FAXC: variants seen among roughly 807,000 people sequenced by gnomAD.
FAXC encodes failed axon connections homolog.
A neutral mutation model predicts 41.9 loss-of-function variants in FAXC; 10 were observed. The observed-to-expected ratio is 0.24, with a 90% CI of 0.15 to 0.41. FAXC has a LOEUF of 0.41. Ranked by LOEUF, FAXC falls within the 10% of genes least tolerant of loss-of-function variation. The probability of loss-of-function intolerance (pLI) is 1.00; values close to 1 mark genes in which losing one functional copy is unlikely to be tolerated. For synonymous variants in FAXC, 183 were observed against 183.8 expected, an observed-to-expected ratio of 1.00 and a Z score of 0.03; for missense variants, 399 against 510.9, an observed-to-expected ratio of 0.78 and a Z score of 2.11.
At chr6:99,325,936 T>TA (rs1487365351) in intron 3 of FAXC, among the ~76,000 whole-genome samples, 5 of 152,204 alleles carry the variant, frequency 3.3e-5, no homozygotes, top group African/African-American at 1.2e-4. Flanking sequence ...ATCATAAGCA[T>TA]AACTGATCGA....
intron 4 of FAXC, among the ~76,000 whole-genome samples, chr6:99,307,586 G>C (rs1323923672): frequency 6.6e-6 from 1 of 152,174 alleles, no homozygotes; most frequent in African/African-American, 2.4e-5. Context: ...GATCAAGGGT[G>C]GGGTGTTGCG....
At position 99,280,974 on chromosome 6, in the gene FAXC, A is replaced by G. The variant is rs1312231025; in HGVS notation, c.*190T>C. The G allele has an allele frequency of 1.8e-6, 1 of 546,188 alleles. No individual in the cohort carries two copies. Among genetic ancestry groups the G allele is most frequent in the South Asian group, 2.6e-5 (1 of 38,488 alleles). The allele number at this position is 546,188 out of a possible 1,614,324, so 33.8% of individuals were successfully genotyped here. ...ATTATTTTTTGCCTGTTTGTTTTCA[A>G]TGGAGTCATCTGAATGGTTCTGTGT... On this transcript the variant is annotated 3_prime_UTR_variant, in exon 6 of 6. Coordinates refer to ENST00000389677, the MANE Select transcript of FAXC (RefSeq NM_032511.4).
chr6:99,283,120 T>TTCCATATTAA (rs1288956331), intron 5 of FAXC, among the ~76,000 whole-genome samples: 2 of 152,242 alleles, frequency 1.3e-5, no homozygotes, highest in African/African-American at 4.8e-5. Flanking sequence ...AATGGTTCTG[T>TTCCATATTAA]TGATTATAGT....
chr6:99,291,596 A>G (rs1771242815), intron 5 of FAXC, 108 bp downstream of exon 5: 1 of 805,932 alleles, frequency 1.2e-6, no homozygotes. Flanking sequence ...GTGTCTCCAT[A>G]AAGCACACCC....
At chr6:99,348,504 G>C (rs1773676797) in intron 1 of FAXC, among the ~76,000 whole-genome samples, 3 of 152,274 alleles carry the variant, frequency 2.0e-5, no homozygotes, top group South Asian at 4.1e-4. Context: ...CTGTCCTACT[G>C]CTCACACAAC....
Position 99,272,150 on chromosome 6 carries a change from GT to G in FAXC, c.*9013del, listed in dbSNP as rs1770427124. On this transcript the variant is annotated 3_prime_UTR_variant, in exon 6 of 6. Transcript: ENST00000389677. ...ATGAAAACTAATTGAGACTATATGT[GT>G]GTGTGTGTGTGTGTGTGTGTGTGTG... The G allele has an allele frequency of 2.9e-5, 1 of 34,896 alleles. No individual in the cohort carries two copies. The highest frequency in any genetic ancestry group is 1.6e-4 in the African/African-American group (1 of 6,294). The allele number at this position is 34,896 out of a possible 1,614,324, so 2.2% of individuals were successfully genotyped here.
chr6:99,328,899 A>C (rs535967717), intron 3 of FAXC, among the ~76,000 whole-genome samples: 1 of 152,370 alleles, frequency 6.6e-6, no homozygotes, highest in Non-Finnish European at 1.5e-5. Context: ...TTATTGATTA[A>C]ATGAAAAAAG....
Position 99,349,330 on chromosome 6 carries a change from C to G in FAXC, c.43G>C (p.Val15Leu). 1 of 1,612,902 alleles carries G rather than the reference C, an allele frequency of 6.2e-7. No homozygotes were observed. The highest frequency in any genetic ancestry group is 8.5e-7 in the Non-Finnish European group (1 of 1,179,916). Residue 15 changes from valine (V) to leucine (L), a missense_variant, in exon 1 of 6, where the codon GTG (valine) becomes CTG (leucine). Around this residue, in one of 3 missense-constraint regions of FAXC, gnomAD observed 68 missense variants for 63.4 expected, o/e 1.07. Coordinates refer to ENST00000389677, the MANE Select transcript of FAXC (RefSeq NM_032511.4). ...VGFASSRPCV[V>L]DLSWNQSISF... The stretch of plus-strand genomic sequence containing the variant: ...ATGCTCTGGTTCCAGCTCAGATCCA[C>G]CACGCACGGCCTGGACGAAGCAAAG...
intron 4 of FAXC, among the ~76,000 whole-genome samples, chr6:99,314,434 C>T (rs1452895478): frequency 6.6e-6 from 1 of 152,086 alleles, no homozygotes; most frequent in Non-Finnish European, 1.5e-5. Flanking sequence ...ATTAGCTGGG[C>T]GTGGTAGCAC....
intron 4 of FAXC, among the ~76,000 whole-genome samples, chr6:99,306,442 G>C (rs1166383068): frequency 6.6e-6 from 1 of 152,178 alleles, no homozygotes; most frequent in Non-Finnish European, 1.5e-5. Context: ...GGAGGATGAA[G>C]AGTTCTGTTG....
At position 99,277,087 on chromosome 6, in the gene FAXC, G is replaced by A. The variant is rs745621089; in HGVS notation, c.*4077C>T. On this transcript the variant is annotated 3_prime_UTR_variant, in exon 6 of 6. Transcript: ENST00000389677. ...AACATTTCAGGAGAAGGACTGGCAT[G>A]AGCAGAGGCACAGAGGTGGGCCACA... is the stretch of plus-strand genomic sequence containing the variant. The A allele has an allele frequency of 4.2e-4, 64 of 152,646 alleles. No individual in the cohort carries two copies. The highest frequency in any genetic ancestry group is 2.5e-3 in the South Asian group (12 of 4,828). 9.5% of individuals were successfully genotyped at this position (152,646 alleles called of 1,614,324 possible).
Position 99,275,310 on chromosome 6 carries a change from A to T in FAXC, c.*5854T>A. The T allele has an allele frequency of 6.6e-6, 1 of 152,186 alleles. No individual in the cohort carries two copies. The allele number at this position is 152,186 out of a possible 1,614,324, so 9.4% of individuals were successfully genotyped here. On this transcript the variant is annotated 3_prime_UTR_variant, in exon 6 of 6. Coordinates refer to ENST00000389677, the MANE Select transcript of FAXC (RefSeq NM_032511.4). ...ATGATGGCCATTAAATTCTTTGCTA[A>T]AATTATTGTGTACAGAACACCAAAG...
chr6:99,318,226 T>G (rs1772440887), intron 4 of FAXC, among the ~76,000 whole-genome samples: 1 of 144,924 alleles, frequency 6.9e-6, no homozygotes, highest in African/African-American at 2.6e-5. Context: ...GCCACTGCAC[T>G]CCAGCCTGGG....
intron 4 of FAXC, among the ~76,000 whole-genome samples, chr6:99,322,009 G>T (rs1366451115): frequency 6.6e-6 from 1 of 152,216 alleles, no homozygotes; most frequent in African/African-American, 2.4e-5. Flanking sequence ...TGGCCCAGTT[G>T]TGAGCCTGGT....
chr6:99,307,146 G>A (rs577427773), intron 4 of FAXC, among the ~76,000 whole-genome samples: 3 of 152,286 alleles, frequency 2.0e-5, no homozygotes, highest in Non-Finnish European at 4.4e-5. Context: ...GCTTTTGAAT[G>A]GTAGGGTATT....
intron 4 of FAXC, among the ~76,000 whole-genome samples, chr6:99,307,246 T>C (rs1040331593): frequency 3.9e-5 from 6 of 152,136 alleles, no homozygotes; most frequent in Admixed American, 3.3e-4. Flanking sequence ...GAAGAGCATC[T>C]GCTACATTTT....
At chr6:99,349,034 C>A in intron 1 of FAXC, 73 bp downstream of exon 1, 1 of 1,440,532 alleles carries the variant, frequency 6.9e-7, no homozygotes, top group Admixed American at 1.9e-5. Flanking sequence ...GGCACGGGCC[C>A]CTCTCGCGCC....
intron 4 of FAXC, among the ~76,000 whole-genome samples, chr6:99,311,225 C>T (rs908860162): frequency 4.6e-5 from 7 of 152,276 alleles, no homozygotes; most frequent in Admixed American, 1.3e-4. Context: ...TCTACTTTGG[C>T]CTCTGCCTTG....
At chr6:99,318,276 C>A (rs910551280) in intron 4 of FAXC, among the ~76,000 whole-genome samples, 2 of 135,896 alleles carry the variant, frequency 1.5e-5, no homozygotes, top group African/African-American at 5.2e-5. Flanking sequence ...CACACACACA[C>A]ACACACACAC....
Sources: gnomAD v4.1 joint callset for allele counts (sites outside exome capture counted in the v4.1 genomes callset) on GRCh38, gnomAD v4.1.1 for gene constraint, gnomAD v4.1.1 regional missense constraint, MANE v1.5 for transcripts, NCBI Gene and HGNC (gene_info 2026-07-23, HGNC 2026-07-21) for gene names.